UXS1: variants seen among roughly 807,000 people sequenced by gnomAD.
UXS1 encodes the protein UDP-glucuronic acid decarboxylase 1.
UXS1 carries 33 observed loss-of-function variants against 62.6 expected under a neutral mutation model. The observed-to-expected ratio is 0.53, with a 90% CI of 0.40 to 0.70. The LOEUF (loss-of-function observed/expected upper bound fraction) is 0.70, where lower values mean the gene tolerates loss of function less well. Among genes scored for constraint, UXS1 ranks in the 30% least tolerant of loss-of-function variants. The pLI, the probability that UXS1 is intolerant of heterozygous loss-of-function variation, is 0.00. For missense variants in UXS1, 434 were observed against 556.3 expected (o/e 0.78, Z 2.21); for synonymous variants, 213 against 206.8 (o/e 1.03, Z -0.26).
intron 1 of UXS1, among the ~76,000 whole-genome samples, chr2:106,168,321 A>G (rs927617680): frequency 6.6e-6 from 1 of 152,224 alleles, no homozygotes; most frequent in African/African-American, 2.4e-5. Flanking sequence ...TACAAATGCC[A>G]TGGCAACGTC....
chr2:106,138,711 A>AG, intron 6 of UXS1: 3 of 985,464 alleles, frequency 3.0e-6, no homozygotes, highest in Non-Finnish European at 2.4e-6. Context: ...CGGAAGGCTG[A>AG]GGGCCGCCCC....
rs531554072 is a variant in UXS1, at chr2:106,115,286, T to C, written c.760-2521A>G. On this transcript the variant is annotated intron_variant, in intron 9 of 14. Transcript: ENST00000283148. Reference sequence around the variant, plus strand: ...CCAGGAAGTACACACCAGGCAACGCTGTCTCATTTAAGGAAGAGCCCACCT... The same window carrying C: ...CCAGGAAGTACACACCAGGCAACGCCGTCTCATTTAAGGAAGAGCCCACCT... 3.3e-5 allele frequency among the ~76,000 whole-genome samples: 5 copies of C among 152,288 alleles called. No individual in the cohort carries two copies. In the East Asian group the frequency reaches 9.7e-4, roughly 29 times the overall value.
chr2:106,104,069 T>C (rs1452571998), intron 11 of UXS1, among the ~76,000 whole-genome samples: 1 of 152,186 alleles, frequency 6.6e-6, no homozygotes, highest in Non-Finnish European at 1.5e-5. Flanking sequence ...GTATTTGCAA[T>C]GAAGAGTGAA....
chr2:106,189,043 C>T (rs1684757091), intron 1 of UXS1, among the ~76,000 whole-genome samples: 1 of 152,016 alleles, frequency 6.6e-6, no homozygotes, highest in Admixed American at 6.6e-5. Context: ...GTGCAACAAC[C>T]TTAAAATGGT....
chr2:106,165,818 C>A (rs11124086), intron 2 of UXS1, among the ~76,000 whole-genome samples: 19 of 152,246 alleles, frequency 1.2e-4, no homozygotes, highest in Admixed American at 1.1e-3. Flanking sequence ...AGGAGGGAAG[C>A]GGGGGTGGCC....
chr2:106,103,238 T>C (rs914459593), intron 11 of UXS1, among the ~76,000 whole-genome samples: 19 of 152,340 alleles, frequency 1.2e-4, no homozygotes, highest in African/African-American at 3.4e-4. Flanking sequence ...CTATTTTAAA[T>C]GAATTTTGCA....
At chr2:106,186,095 T>G (rs905405625) in intron 1 of UXS1, among the ~76,000 whole-genome samples, 1 of 152,158 alleles carries the variant, frequency 6.6e-6, no homozygotes, top group Non-Finnish European at 1.5e-5. Flanking sequence ...TTTACAAAAT[T>G]AGAAAATCAC....
intron 1 of UXS1, among the ~76,000 whole-genome samples, chr2:106,185,538 G>C (rs545394436): frequency 5.9e-5 from 9 of 152,150 alleles, no homozygotes; most frequent in Non-Finnish European, 1.2e-4. Context: ...GAAACATCTA[G>C]ACATTAAGGA....
At chr2:106,124,327 C>T (rs1277527724) in intron 8 of UXS1, among the ~76,000 whole-genome samples, 2 of 152,186 alleles carry the variant, frequency 1.3e-5, no homozygotes, top group Non-Finnish European at 2.9e-5. Flanking sequence ...GGACTGGCAC[C>T]GTCTGGACTG....
chr2:106,138,857 TAAC>T, intron 6 of UXS1: 1 of 985,450 alleles, frequency 1.0e-6, no homozygotes, highest in Non-Finnish European at 1.2e-6. Context: ...CCTGTAACAT[TAAC>T]AATAACTCCA....
chr2:106,186,885 A>T (rs529680984), intron 1 of UXS1, among the ~76,000 whole-genome samples: 1 of 152,206 alleles, frequency 6.6e-6, no homozygotes, highest in Non-Finnish European at 1.5e-5. Context: ...AATGGGGGGA[A>T]ATTTAAATAT....
chr2:106,172,059 A>C (rs1316282328), intron 1 of UXS1, among the ~76,000 whole-genome samples: 2 of 152,260 alleles, frequency 1.3e-5, no homozygotes, highest in African/African-American at 4.8e-5. Flanking sequence ...CCATTCATTC[A>C]ACAAACTCAG....
intron 9 of UXS1, among the ~76,000 whole-genome samples, chr2:106,113,575 G>A (rs924060075): frequency 7.9e-5 from 12 of 152,220 alleles, no homozygotes; most frequent in Admixed American, 2.0e-4. Context: ...CTAAGTGATC[G>A]TGTTAATTAT....
At chr2:106,165,648 GA>G (rs1398502139) in intron 2 of UXS1, among the ~76,000 whole-genome samples, 1 of 152,050 alleles carries the variant, frequency 6.6e-6, no homozygotes, top group Non-Finnish European at 1.5e-5. Context: ...TCTCTGCATC[GA>G]TACCCACTAG....
chr2:106,098,095 C>G (rs1048249355), intron 13 of UXS1, among the ~76,000 whole-genome samples: 36 of 152,216 alleles, frequency 2.4e-4, no homozygotes, highest in African/African-American at 8.2e-4. Flanking sequence ...TGTGACTTCA[C>G]TCAAATTTCA....
chr2:106,114,791 G>A (rs1678933323), intron 9 of UXS1, among the ~76,000 whole-genome samples: 1 of 152,178 alleles, frequency 6.6e-6, no homozygotes, highest in South Asian at 2.1e-4. Flanking sequence ...AACAGCCGTT[G>A]AGTGCAACAA....
At chr2:106,119,463 A>T (rs1433150499) in intron 9 of UXS1, among the ~76,000 whole-genome samples, 1 of 152,104 alleles carries the variant, frequency 6.6e-6, no homozygotes. Context: ...GAATTAACTG[A>T]GATTAAACGG....
chr2:106,191,383 T>A (rs1241068991), intron 1 of UXS1, among the ~76,000 whole-genome samples: 2 of 152,206 alleles, frequency 1.3e-5, no homozygotes, highest in African/African-American at 2.4e-5. Context: ...AAGCAGAGAT[T>A]AGAAAACACA....
At chr2:106,189,414 G>C (rs1178221902) in intron 1 of UXS1, among the ~76,000 whole-genome samples, 1 of 152,162 alleles carries the variant, frequency 6.6e-6, no homozygotes, top group East Asian at 1.9e-4. Flanking sequence ...GGGTGGGAGG[G>C]GGTTCTGCAA....
Sources: allele counts gnomAD v4.1 joint callset (sites outside exome capture counted in the v4.1 genomes callset), GRCh38; gene constraint gnomAD v4.1.1; transcripts MANE v1.5; gene names NCBI Gene and HGNC (gene_info 2026-07-23, HGNC 2026-07-21).